NRCAM: variants seen among roughly 807,000 people sequenced by gnomAD.
The protein encoded by NRCAM is neuronal cell adhesion molecule, also known as NgCAM-related cell adhesion molecule.
A neutral mutation model predicts 156.5 loss-of-function variants in NRCAM; 83 were observed. The observed-to-expected ratio is 0.53, with a 90% CI of 0.44 to 0.64. NRCAM has a LOEUF of 0.64. Among genes scored for constraint, NRCAM ranks in the 30% least tolerant of loss-of-function variants. The probability of loss-of-function intolerance (pLI) is 0.00; values close to 1 mark genes in which losing one functional copy is unlikely to be tolerated. For missense variants in NRCAM, 1,417 were observed against 1,597.3 expected (o/e 0.89, Z 1.92); for synonymous variants, 538 against 563.9 (o/e 0.95, Z 0.65).
chr7:108,171,189 A>G (rs449506), intron 28 of NRCAM, among the ~76,000 whole-genome samples: 140,706 of 152,178 alleles, frequency 0.92, 65,084 homozygotes, highest in East Asian at 1. Context: ...TTCCCAACGG[A>G]CTGCTTCCGG....
intron 1 of NRCAM, among the ~76,000 whole-genome samples, chr7:108,426,107 TC>T (rs768867624): frequency 1.3e-5 from 2 of 152,260 alleles, no homozygotes; most frequent in African/African-American, 2.4e-5. Context: ...CTGAAGCAGG[TC>T]TGATTATGTC....
intron 2 of NRCAM, among the ~76,000 whole-genome samples, chr7:108,374,958 T>C (rs907931139): frequency 6.6e-6 from 1 of 152,176 alleles, no homozygotes; most frequent in Admixed American, 6.6e-5. Context: ...CAGCTTTAGA[T>C]ATAAAATATT....
At chr7:108,241,528 T>C (rs974997997) in intron 3 of NRCAM, among the ~76,000 whole-genome samples, 1 of 152,194 alleles carries the variant, frequency 6.6e-6, no homozygotes, top group Non-Finnish European at 1.5e-5. Flanking sequence ...GTAATTTTTA[T>C]TTGTATGATT....
chr7:108,196,004 C>A (rs987541382), intron 14 of NRCAM, 132 bp from the exon 15 acceptor site: 2 of 658,700 alleles, frequency 3.0e-6, no homozygotes, highest in Non-Finnish European at 5.5e-6. Context: ...TCCTTATGTT[C>A]TCTATCAGGC....
intron 24 of NRCAM, 115 bp downstream of exon 24, chr7:108,181,707 C>T: frequency 1.7e-6 from 1 of 602,244 alleles, no homozygotes; most frequent in Non-Finnish European, 2.9e-6. Flanking sequence ...CTCTTCAGTC[C>T]ACAAGTTCAC....
Position 108,166,809 on chromosome 7 carries a change from G to A in NRCAM, c.3466+112C>T, listed in dbSNP as rs182076860. ...CCAACCCAACAGGGCCCCATAGAAA[G>A]ACATTCATGCCCTACCCATAACACA... On this transcript the variant is annotated intron_variant, in intron 30 of 32. Coordinates refer to ENST00000379028, the MANE Select transcript of NRCAM (RefSeq NM_001037132.4). 1,147 of 877,778 alleles carry A rather than the reference G, an allele frequency of 1.3e-3. 12 individuals carry two copies. In the African/African-American group the frequency reaches 0.016, roughly 13 times the overall value. 54.4% of individuals were successfully genotyped at this position (877,778 alleles called of 1,614,324 possible).
chr7:108,223,189 T>C (rs2092762817), intron 11 of NRCAM, among the ~76,000 whole-genome samples: 2 of 152,240 alleles, frequency 1.3e-5, no homozygotes, highest in South Asian at 4.1e-4. Context: ...ATGCCCCAGT[T>C]AACAGCCAGT....
chr7:108,442,881 T>TA (rs1224236144), intron 1 of NRCAM, among the ~76,000 whole-genome samples: 4 of 152,212 alleles, frequency 2.6e-5, no homozygotes, highest in African/African-American at 7.2e-5. Flanking sequence ...CCTTGTGTGT[T>TA]AAAAAGAAGC....
chr7:108,454,688 T>G (rs1403737443), intron 1 of NRCAM, among the ~76,000 whole-genome samples: 1 of 152,198 alleles, frequency 6.6e-6, no homozygotes, highest in African/African-American at 2.4e-5. Context: ...CTCCGAGGTT[T>G]GTATTCAGAG....
At chr7:108,317,222 G>A (rs1046337094) in intron 2 of NRCAM, among the ~76,000 whole-genome samples, 6 of 152,186 alleles carry the variant, frequency 3.9e-5, no homozygotes, top group African/African-American at 1.4e-4. Flanking sequence ...GGGTTTGTTA[G>A]AATAGCTAGC....
intron 3 of NRCAM, among the ~76,000 whole-genome samples, chr7:108,293,117 C>A (rs752415734): frequency 6.6e-6 from 1 of 152,138 alleles, no homozygotes; most frequent in African/African-American, 2.4e-5. Flanking sequence ...CATGGAAAAT[C>A]AAACGGTGTG....
chr7:108,261,553 G>T lies in NRCAM; in HGVS notation c.-106-21383C>A, dbSNP rs185786811. Among the ~76,000 whole-genome samples, 318 of 152,276 alleles carry T rather than the reference G, an allele frequency of 2.1e-3. 1 individual carries two copies. Among genetic ancestry groups the T allele is most frequent in the Middle Eastern group, 3.4e-3 (1 of 294 alleles). On this transcript the variant is annotated intron_variant, in intron 3 of 32. Transcript: ENST00000379028. Reference sequence around the variant, plus strand: ...CTTGAAAGGCCAAAGACACTCCAGGGAATTCTTTATTTTAGCATCTTCTTT... The same window carrying T: ...CTTGAAAGGCCAAAGACACTCCAGGTAATTCTTTATTTTAGCATCTTCTTT...
intron 1 of NRCAM, among the ~76,000 whole-genome samples, chr7:108,440,878 C>T (rs1837763488): frequency 6.6e-6 from 1 of 152,252 alleles, no homozygotes; most frequent in East Asian, 1.9e-4. Flanking sequence ...GAAGTATTTC[C>T]TAATTTCAGC....
intron 2 of NRCAM, among the ~76,000 whole-genome samples, chr7:108,363,030 G>A (rs1361921961): frequency 6.6e-6 from 1 of 152,074 alleles, no homozygotes; most frequent in African/African-American, 2.4e-5. Flanking sequence ...TAAAACATCA[G>A]GATGAGAGAA....
intron 3 of NRCAM, among the ~76,000 whole-genome samples, chr7:108,259,860 G>C (rs1342980983): frequency 2.6e-5 from 4 of 152,186 alleles, no homozygotes; most frequent in Admixed American, 1.3e-4. Flanking sequence ...GAGGGAGAGA[G>C]AGCATCAGGA....
chr7:108,180,792 T>A (rs1253803557), intron 24 of NRCAM, among the ~76,000 whole-genome samples: 1 of 152,220 alleles, frequency 6.6e-6, no homozygotes, highest in Non-Finnish European at 1.5e-5. Context: ...TACTGCCCAA[T>A]GTTTACATAT....
intron 25 of NRCAM, among the ~76,000 whole-genome samples, chr7:108,179,678 C>T (rs1178977520): frequency 6.6e-6 from 1 of 152,166 alleles, no homozygotes; most frequent in Non-Finnish European, 1.5e-5. Context: ...TTGCCCATAT[C>T]TGCAATGACT....
chr7:108,236,479 A>G (rs1030914378), intron 5 of NRCAM, among the ~76,000 whole-genome samples: 2 of 151,842 alleles, frequency 1.3e-5, no homozygotes, highest in African/African-American at 2.4e-5. Flanking sequence ...TCAGTTTCCA[A>G]GGTGGCCTGA....
At chr7:108,226,130 T>C (rs1479535974) in intron 9 of NRCAM, 78 bp downstream of exon 9, 37 of 991,438 alleles carry the variant, frequency 3.7e-5, no homozygotes, top group Non-Finnish European at 4.6e-5. Context: ...TCAAAGTCAG[T>C]AGTATATAAT....
Sources: gnomAD v4.1 joint callset for allele counts (sites outside exome capture counted in the v4.1 genomes callset) on GRCh38, gnomAD v4.1.1 for gene constraint, MANE v1.5 for transcripts, NCBI Gene and HGNC (gene_info 2026-07-23, HGNC 2026-07-21) for gene names.